Variants in TMCC1 observed in about 807,000 individuals in gnomAD.
The protein encoded by TMCC1 is transmembrane and coiled-coil domain family 1.
TMCC1 carries 15 observed loss-of-function variants against 52.4 expected under a neutral mutation model. The ratio of observed to expected loss-of-function variants is 0.29; its 90% CI spans 0.19 to 0.44. The LOEUF (loss-of-function observed/expected upper bound fraction) is 0.44. TMCC1 is among the 20% of genes least tolerant of loss of function. The probability of loss-of-function intolerance (pLI) is 1.00; values close to 1 mark genes in which losing one functional copy is unlikely to be tolerated. For synonymous variants in TMCC1, 279 were observed against 301.9 expected, an observed-to-expected ratio of 0.92 and a Z score of 0.79; for missense variants, 503 against 806.0, an observed-to-expected ratio of 0.62 and a Z score of 4.55.
intron 4 of TMCC1, among the ~76,000 whole-genome samples, chr3:129,807,710 G>C (rs541390353): frequency 3.5e-4 from 53 of 152,156 alleles, no homozygotes; most frequent in African/African-American, 1.2e-3. Flanking sequence ...AGAATACATG[G>C]GCAATTTATT....
At chr3:129,757,835 T>C (rs1245613789) in intron 4 of TMCC1, among the ~76,000 whole-genome samples, 2 of 150,146 alleles carry the variant, frequency 1.3e-5, no homozygotes, top group African/African-American at 4.9e-5. Context: ...ATCTTAAAAA[T>C]AAATAAATTA....
chr3:129,832,971 T>G (rs947226238), intron 2 of TMCC1, 145 bp from the exon 3 acceptor site: 1 of 152,200 alleles, frequency 6.6e-6, no homozygotes, highest in Non-Finnish European at 1.5e-5. Flanking sequence ...GGGTTTGTTT[T>G]TTTCTAGTAC....
intron 4 of TMCC1, among the ~76,000 whole-genome samples, chr3:129,727,291 C>A (rs1453593166): frequency 6.6e-6 from 1 of 152,100 alleles, no homozygotes; most frequent in Non-Finnish European, 1.5e-5. Flanking sequence ...TGTTTGACTG[C>A]ATGATCAATG....
intron 5 of TMCC1, among the ~76,000 whole-genome samples, chr3:129,665,233 G>A (rs1052058346): frequency 1.3e-5 from 2 of 152,178 alleles, no homozygotes; most frequent in Non-Finnish European, 2.9e-5. Flanking sequence ...AAGTGCATGT[G>A]GGCAATGAAA....
At chr3:129,778,680 G>GT (rs1553866384) in intron 4 of TMCC1, among the ~76,000 whole-genome samples, 1 of 150,418 alleles carries the variant, frequency 6.6e-6, no homozygotes, top group African/African-American at 2.4e-5. Flanking sequence ...ATGGTGGGGG[G>GT]GGGGCAGTCT....
intron 4 of TMCC1, among the ~76,000 whole-genome samples, chr3:129,760,454 C>CTGTGTGTGTGTGTGTGTGTG (rs61394124): frequency 7.0e-5 from 9 of 129,050 alleles, no homozygotes; most frequent in South Asian, 2.8e-4. Flanking sequence ...CAGTCTCGCT[C>CTGTGTGTGTGTGTGTGTGTG]TGTGTGTGTG....
intron 4 of TMCC1, among the ~76,000 whole-genome samples, chr3:129,738,638 C>T (rs563384685): frequency 6.6e-6 from 1 of 152,286 alleles, no homozygotes; most frequent in Admixed American, 6.5e-5. Context: ...AGGCTAGCTA[C>T]TGCAAGTGAA....
At chr3:129,737,439 C>T (rs1488346058) in intron 4 of TMCC1, among the ~76,000 whole-genome samples, 5 of 151,976 alleles carry the variant, frequency 3.3e-5, no homozygotes, top group African/African-American at 4.8e-5. Context: ...GAGATCACGC[C>T]GCTGCACTCC....
chr3:129,855,044 A>C (rs2060090469), intron 2 of TMCC1, among the ~76,000 whole-genome samples: 1 of 152,224 alleles, frequency 6.6e-6, no homozygotes, highest in South Asian at 2.1e-4. Flanking sequence ...AGTTGCCAGC[A>C]ATCACAAAAC....
intron 4 of TMCC1, among the ~76,000 whole-genome samples, chr3:129,784,809 T>C (rs2055858215): frequency 6.6e-6 from 1 of 151,520 alleles, no homozygotes; most frequent in Non-Finnish European, 1.5e-5. Flanking sequence ...ACAGAAAATT[T>C]CAAAATTAGC....
chr3:129,785,461 T>C (rs938173277), intron 4 of TMCC1, among the ~76,000 whole-genome samples: 5 of 152,112 alleles, frequency 3.3e-5, no homozygotes, highest in Non-Finnish European at 7.4e-5. Context: ...CATTCACCAC[T>C]AGATACTGAA....
intron 4 of TMCC1, among the ~76,000 whole-genome samples, chr3:129,806,097 A>T (rs1349839229): frequency 1.3e-5 from 2 of 152,206 alleles, no homozygotes; most frequent in African/African-American, 4.8e-5. Flanking sequence ...CTAGTGATTT[A>T]TTTAGGGACA....
chr3:129,860,949 T>G (rs1037522354), intron 2 of TMCC1: 1 of 152,160 alleles, frequency 6.6e-6, no homozygotes, highest in Non-Finnish European at 1.5e-5. Flanking sequence ...CCTAGGAATG[T>G]GTGGACTATT....
chr3:129,879,767 T>A (rs2061379415), intron 2 of TMCC1, among the ~76,000 whole-genome samples: 1 of 152,330 alleles, frequency 6.6e-6, no homozygotes, highest in East Asian at 1.9e-4. Context: ...TATGAAATCA[T>A]ACAGCCATAA....
chr3:129,725,696 G>C (rs779538779), intron 4 of TMCC1, among the ~76,000 whole-genome samples: 3 of 147,248 alleles, frequency 2.0e-5, no homozygotes, highest in Admixed American at 6.7e-5. Context: ...TTTTTTTTTT[G>C]TTATACTTAC....
chr3:129,800,435 T>C (rs751193324), intron 4 of TMCC1, among the ~76,000 whole-genome samples: 9 of 152,146 alleles, frequency 5.9e-5, no homozygotes, highest in Non-Finnish European at 1.0e-4. Context: ...TAATTTACAC[T>C]CTTACAATAA....
At chr3:129,877,703 A>G (rs952521244) in intron 2 of TMCC1, among the ~76,000 whole-genome samples, 4 of 144,012 alleles carry the variant, frequency 2.8e-5, no homozygotes, top group African/African-American at 5.2e-5. Flanking sequence ...ATCTTGGCTC[A>G]TTGCAACCTC....
intron 4 of TMCC1, among the ~76,000 whole-genome samples, chr3:129,780,449 T>A (rs1227524295): frequency 6.6e-6 from 1 of 152,080 alleles, no homozygotes; most frequent in Non-Finnish European, 1.5e-5. Flanking sequence ...ATTTTTCCAC[T>A]ATTTCCACCC....
chr3:129,661,704 G>C (rs572342244), intron 5 of TMCC1, among the ~76,000 whole-genome samples: 5 of 152,244 alleles, frequency 3.3e-5, no homozygotes, highest in African/African-American at 1.2e-4. Flanking sequence ...TTGGGAGGCT[G>C]AGGTGAGAGG....
Sources: gnomAD v4.1 joint callset for allele counts (sites outside exome capture counted in the v4.1 genomes callset) on GRCh38, gnomAD v4.1.1 for gene constraint, MANE v1.5 for transcripts, NCBI Gene and HGNC (gene_info 2026-07-23, HGNC 2026-07-21) for gene names.